Variants in KCNAB1 observed in about 807,000 individuals in gnomAD.
KCNAB1 encodes the protein potassium voltage-gated channel subfamily A regulatory beta subunit 1.
KCNAB1 carries 35 observed loss-of-function variants against 64.6 expected under a neutral mutation model. That is an observed-to-expected ratio of 0.54 (90% CI 0.41 to 0.72). The LOEUF is 0.72. Among genes scored for constraint, KCNAB1 ranks in the 30% least tolerant of loss-of-function variants. KCNAB1 has a pLI of 0.00. For missense variants in KCNAB1, 401 were observed against 512.9 expected (o/e 0.78, Z 2.11); for synonymous variants, 177 against 183.8 (o/e 0.96, Z 0.30).
At chr3:156,533,833 A>T (rs1267492239) in intron 13 of KCNAB1, among the ~76,000 whole-genome samples, 2 of 152,170 alleles carry the variant, frequency 1.3e-5, no homozygotes, top group Non-Finnish European at 2.9e-5. Flanking sequence ...GGGGGCAGTC[A>T]TAGTGCCTAG....
At chr3:156,363,302 T>C (rs1725729406) in intron 1 of KCNAB1, among the ~76,000 whole-genome samples, 1 of 152,252 alleles carries the variant, frequency 6.6e-6, no homozygotes, top group Non-Finnish European at 1.5e-5. Context: ...TATTTATTCA[T>C]TTGTTTTTGC....
intron 1 of KCNAB1, among the ~76,000 whole-genome samples, chr3:156,338,403 CG>C (rs1243985630): frequency 6.7e-6 from 1 of 148,542 alleles, no homozygotes; most frequent in Non-Finnish European, 1.5e-5. Context: ...CTCCGCCTCC[CG>C]GGTTCAAGCG....
At chr3:156,425,450 A>G (rs1715751982) in intron 2 of KCNAB1, among the ~76,000 whole-genome samples, 1 of 152,154 alleles carries the variant, frequency 6.6e-6, no homozygotes, top group Non-Finnish European at 1.5e-5. Context: ...GGGAAAAAAT[A>G]TTAATATTAT....
chr3:156,360,737 A>G (rs1305069682), intron 1 of KCNAB1, among the ~76,000 whole-genome samples: 2 of 151,754 alleles, frequency 1.3e-5, no homozygotes, highest in African/African-American at 2.4e-5. Context: ...AAAAAAAAAA[A>G]AAAGAAAAAC....
chr3:156,213,849 T>C (rs1715158896), intron 1 of KCNAB1, among the ~76,000 whole-genome samples: 1 of 152,172 alleles, frequency 6.6e-6, no homozygotes, highest in South Asian at 2.1e-4. Flanking sequence ...GTGAGGCAAG[T>C]CTTTAGAGTT....
intron 1 of KCNAB1, among the ~76,000 whole-genome samples, chr3:156,142,592 G>T (rs1197769630): frequency 6.6e-6 from 1 of 152,172 alleles, no homozygotes; most frequent in Admixed American, 6.5e-5. Flanking sequence ...CCATATTTGT[G>T]TGAACCCTTT....
chr3:156,239,677 C>T (rs909029344), intron 1 of KCNAB1, among the ~76,000 whole-genome samples: 1 of 152,190 alleles, frequency 6.6e-6, no homozygotes, highest in Non-Finnish European at 1.5e-5. Flanking sequence ...TTTGCACTTG[C>T]TCTTAATTAT....
chr3:156,291,172 A>G (rs1283274328), intron 1 of KCNAB1: 2 of 985,576 alleles, frequency 2.0e-6, no homozygotes. Flanking sequence ...ACAAAGGCAA[A>G]GAGCTCCTTA....
intron 1 of KCNAB1, among the ~76,000 whole-genome samples, chr3:156,164,652 G>A (rs1161110481): frequency 6.6e-6 from 1 of 152,160 alleles, no homozygotes; most frequent in Non-Finnish European, 1.5e-5. Context: ...TTGTCAGTTT[G>A]GGTGTTTTCC....
intron 1 of KCNAB1, among the ~76,000 whole-genome samples, chr3:156,307,275 A>C (rs1721554957): frequency 6.6e-6 from 1 of 152,170 alleles, no homozygotes; most frequent in Non-Finnish European, 1.5e-5. Flanking sequence ...CTCCAGACTT[A>C]GCCATTCAGA....
At chr3:156,183,661 C>G (rs1423201773) in intron 1 of KCNAB1, among the ~76,000 whole-genome samples, 2 of 152,198 alleles carry the variant, frequency 1.3e-5, no homozygotes, top group East Asian at 3.9e-4. Context: ...CATCTCTCCC[C>G]AGTTGCAGGG....
At chr3:156,245,778 G>T (rs1226091466) in intron 1 of KCNAB1, among the ~76,000 whole-genome samples, 1 of 152,112 alleles carries the variant, frequency 6.6e-6, no homozygotes, top group Admixed American at 6.5e-5. Context: ...CAGCTAACAA[G>T]GCTCTTTGTT....
At chr3:156,341,445 C>G (rs550884284) in intron 1 of KCNAB1, among the ~76,000 whole-genome samples, 192 of 152,318 alleles carry the variant, frequency 1.3e-3, no homozygotes, top group African/African-American at 4.3e-3. Flanking sequence ...CCTTAATTTG[C>G]ACTGCCATTG....
chr3:156,193,690 C>T (rs539595212), intron 1 of KCNAB1, among the ~76,000 whole-genome samples: 7 of 152,180 alleles, frequency 4.6e-5, no homozygotes, highest in African/African-American at 1.7e-4. Context: ...ACTCAGTCGT[C>T]ACTATCATGA....
chr3:156,446,946 G>A (rs1398072820), intron 2 of KCNAB1: 2 of 152,264 alleles, frequency 1.3e-5, no homozygotes, highest in African/African-American at 4.8e-5. Context: ...TCCTTCCTAT[G>A]ATTGACATGA....
intron 7 of KCNAB1, among the ~76,000 whole-genome samples, chr3:156,472,632 T>G (rs1480634570): frequency 6.6e-6 from 1 of 152,202 alleles, no homozygotes; most frequent in Non-Finnish European, 1.5e-5. Context: ...AAAGTGCTTT[T>G]CAGAGAAAGA....
chr3:156,514,456 T>A lies in KCNAB1; in HGVS notation c.744+7T>A. On this transcript the variant is annotated splice_region_variant and intron_variant, in intron 9 of 13. Transcript: ENST00000490337. ...GAGTGCTATGGAGATCATGGTAATT[T>A]AACTTCTATTTTTAAATGGCTATTG... 6.2e-7 allele frequency: 1 copy of A among 1,600,764 alleles called. No homozygotes were observed. Among genetic ancestry groups the A allele is most frequent in the South Asian group, 1.1e-5 (1 of 90,696 alleles).
intron 2 of KCNAB1, among the ~76,000 whole-genome samples, chr3:156,450,785 AT>A (rs913584188): frequency 2.0e-5 from 3 of 151,260 alleles, no homozygotes; most frequent in East Asian, 1.9e-4. Context: ...GTCAAAGCTG[AT>A]TTTTTTTTCA....
At chr3:156,180,152 A>G (rs1428170353) in intron 1 of KCNAB1, among the ~76,000 whole-genome samples, 3 of 152,238 alleles carry the variant, frequency 2.0e-5, no homozygotes, top group Non-Finnish European at 2.9e-5. Context: ...TGGGATTCCA[A>G]TCCAGCTTCT....
Sources: gnomAD v4.1 joint callset for allele counts (sites outside exome capture counted in the v4.1 genomes callset) on GRCh38, gnomAD v4.1.1 for gene constraint, MANE v1.5 for transcripts, NCBI Gene and HGNC (gene_info 2026-07-23, HGNC 2026-07-21) for gene names.